Variants in ROBO2 observed in about 807,000 individuals in gnomAD.
The protein encoded by ROBO2 is roundabout homolog 2.
ROBO2 carries 53 observed loss-of-function variants against 160.8 expected under a neutral mutation model. That is an observed-to-expected ratio of 0.33 (90% CI 0.26 to 0.41). The LOEUF (loss-of-function observed/expected upper bound fraction) is 0.41. ROBO2 is among the 10% of genes least tolerant of loss of function. The probability of loss-of-function intolerance (pLI) is 1.00; values close to 1 mark genes in which losing one functional copy is unlikely to be tolerated. For synonymous variants in ROBO2, 664 were observed against 611.7 expected, an observed-to-expected ratio of 1.09 and a Z score of -1.26; for missense variants, 1,577 against 1,722.4, an observed-to-expected ratio of 0.92 and a Z score of 1.49.
intron 2 of ROBO2, among the ~76,000 whole-genome samples, chr3:77,404,670 G>T (rs1206791720): frequency 6.6e-6 from 1 of 152,050 alleles, no homozygotes; most frequent in Admixed American, 6.6e-5. Flanking sequence ...ATTTAATGGG[G>T]GATAGGGGAA....
intron 1 of ROBO2, among the ~76,000 whole-genome samples, chr3:77,088,840 AG>A (rs929883352): frequency 1.3e-5 from 2 of 152,200 alleles, no homozygotes; most frequent in Non-Finnish European, 2.9e-5. Context: ...ATTTATCAAA[AG>A]TATGAACAGT....
intron 2 of ROBO2, among the ~76,000 whole-genome samples, chr3:76,811,316 T>C (rs1010166656): frequency 6.6e-6 from 1 of 152,184 alleles, no homozygotes; most frequent in Non-Finnish European, 1.5e-5. Context: ...TAGTCTCAGA[T>C]AAATTATTAT....
In ROBO2 at chr3:76,886,716, G is replaced by A. The variant is rs116040576; in HGVS notation, c.110-211298G>A. ...GATGACTAGAAATCAGGAGAGCACA[G>A]TTGCATTCACGAAACTGGATTCAAT... On this transcript the variant is annotated intron_variant, in intron 2 of 26. Transcript: ENST00000487694. 2.4e-3 allele frequency among the ~76,000 whole-genome samples: 361 copies of A among 152,192 alleles called. 1 individual carries two copies. Among genetic ancestry groups the A allele is most frequent in the African/African-American group, 8.2e-3 (342 of 41,524 alleles).
chr3:76,445,723 G>A (rs1164390876), intron 2 of ROBO2, among the ~76,000 whole-genome samples: 2 of 152,088 alleles, frequency 1.3e-5, no homozygotes, highest in African/African-American at 4.8e-5. Context: ...TGGGATGCAA[G>A]GCTGGTTCAA....
chr3:76,700,303 A>C (rs1010401379), intron 2 of ROBO2, among the ~76,000 whole-genome samples: 1 of 152,002 alleles, frequency 6.6e-6, no homozygotes, highest in African/African-American at 2.4e-5. Context: ...ACTTTATATT[A>C]CTCAAATATC....
At chr3:77,098,612 C>T (rs895634024) in intron 2 of ROBO2, among the ~76,000 whole-genome samples, 3 of 151,942 alleles carry the variant, frequency 2.0e-5, no homozygotes, top group African/African-American at 4.8e-5. Flanking sequence ...CTTTGGGAGG[C>T]GGAGGCGGGC....
At chr3:77,464,385 T>C (rs2082550689) in intron 2 of ROBO2, among the ~76,000 whole-genome samples, 1 of 151,972 alleles carries the variant, frequency 6.6e-6, no homozygotes, top group African/African-American at 2.4e-5. Flanking sequence ...ATTCCAGAAA[T>C]AGAGAACAAA....
chr3:76,118,533 G>A (rs1193526895), intron 2 of ROBO2, among the ~76,000 whole-genome samples: 2 of 152,142 alleles, frequency 1.3e-5, no homozygotes, highest in Non-Finnish European at 2.9e-5. Flanking sequence ...CCCTTCAAAA[G>A]TGTTAACATG....
intron 2 of ROBO2, among the ~76,000 whole-genome samples, chr3:77,180,436 T>TATA (rs1560177057): frequency 2.1e-5 from 1 of 47,682 alleles, no homozygotes; most frequent in Admixed American, 2.2e-4. Context: ...ATATATGTAT[T>TATA]TTTTTTTTTT....
chr3:75,912,078 A>G (rs555601046), intron 1 of ROBO2, among the ~76,000 whole-genome samples: 1 of 152,320 alleles, frequency 6.6e-6, no homozygotes, highest in African/African-American at 2.4e-5. Context: ...TCTTGCACAA[A>G]ACATTCCCAT....
At chr3:77,186,959 T>C (rs952491599) in intron 2 of ROBO2, among the ~76,000 whole-genome samples, 11 of 152,028 alleles carry the variant, frequency 7.2e-5, no homozygotes. Flanking sequence ...ACTTGCGGTA[T>C]TCAAGAGGCA....
intron 2 of ROBO2, among the ~76,000 whole-genome samples, chr3:77,395,629 A>C (rs953795130): frequency 5.9e-5 from 9 of 152,164 alleles, no homozygotes; most frequent in African/African-American, 2.2e-4. Context: ...TAGACTCTTC[A>C]TATAAAATTG....
intron 2 of ROBO2, among the ~76,000 whole-genome samples, chr3:76,931,605 A>C (rs2077348643): frequency 6.6e-6 from 1 of 151,426 alleles, no homozygotes; most frequent in Non-Finnish European, 1.5e-5. Flanking sequence ...TGTCAAGCTT[A>C]TTCTTTTATC....
At chr3:77,633,902 C>G (rs1333717520) in intron 23 of ROBO2, 1 of 152,190 alleles carries the variant, frequency 6.6e-6, no homozygotes, top group Non-Finnish European at 1.5e-5. Context: ...TTAGAAGGCA[C>G]AAGTGCATTT....
chr3:77,067,587 A>T (rs925670618), intron 1 of ROBO2, among the ~76,000 whole-genome samples: 1 of 152,178 alleles, frequency 6.6e-6, no homozygotes, highest in Non-Finnish European at 1.5e-5. Context: ...GCATTAAGCA[A>T]GGTAACATGT....
At chr3:76,989,608 C>A (rs762545619) in intron 2 of ROBO2, among the ~76,000 whole-genome samples, 3 of 151,964 alleles carry the variant, frequency 2.0e-5, no homozygotes, top group Admixed American at 1.3e-4. Context: ...GATTATTATG[C>A]TAGAGCAACA....
intron 2 of ROBO2, among the ~76,000 whole-genome samples, chr3:76,275,224 T>C (rs1389014135): frequency 6.6e-6 from 1 of 152,242 alleles, no homozygotes; most frequent in East Asian, 1.9e-4. Flanking sequence ...GTAGTTTGAG[T>C]TTAGCAAATC....
intron 2 of ROBO2, among the ~76,000 whole-genome samples, chr3:76,396,150 A>G (rs1374941619): frequency 6.6e-6 from 1 of 152,180 alleles, no homozygotes; most frequent in Non-Finnish European, 1.5e-5. Flanking sequence ...CATCCCTGGG[A>G]TGCAAGGCTG....
intron 2 of ROBO2, among the ~76,000 whole-genome samples, chr3:76,202,726 A>G (rs1253658999): frequency 6.6e-6 from 1 of 152,110 alleles, no homozygotes; most frequent in Non-Finnish European, 1.5e-5. Flanking sequence ...GTGCAGGAAA[A>G]GAAGTAATGT....
Sources: gnomAD v4.1 joint callset for allele counts (sites outside exome capture counted in the v4.1 genomes callset) on GRCh38, gnomAD v4.1.1 for gene constraint, MANE v1.5 for transcripts, NCBI Gene and HGNC (gene_info 2026-07-23, HGNC 2026-07-21) for gene names.